TEK: variants seen among roughly 807,000 people sequenced by gnomAD.
The protein encoded by TEK is angiopoietin-1 receptor.
A neutral mutation model predicts 131.8 loss-of-function variants in TEK; 43 were observed. That is an observed-to-expected ratio of 0.33 (90% CI 0.26 to 0.42). The LOEUF (loss-of-function observed/expected upper bound fraction) is 0.42. Ranked by LOEUF, TEK falls within the 10% of genes least tolerant of loss-of-function variation. TEK has a pLI of 1.00. For synonymous variants in TEK, 580 were observed against 491.6 expected, an observed-to-expected ratio of 1.18 and a Z score of -2.38; for missense variants, 1,162 against 1,384.4, an observed-to-expected ratio of 0.84 and a Z score of 2.55.
At chr9:27,109,694 G>A in intron 1 of TEK, 52 bp downstream of exon 1, 1 of 1,589,544 alleles carries the variant, frequency 6.3e-7, no homozygotes, top group Non-Finnish European at 8.6e-7. Context: ...AACAGAGTTA[G>A]TGATTTCTGG....
intron 19 of TEK, among the ~76,000 whole-genome samples, chr9:27,218,363 G>A (rs1356122493): frequency 6.6e-6 from 1 of 151,992 alleles, no homozygotes; most frequent in Non-Finnish European, 1.5e-5. Context: ...ATGTTTCTCT[G>A]CATAATTTTG....
chr9:27,228,157 G>C (rs776364474), intron 21 of TEK, 49 bp from the exon 22 acceptor site: 2 of 1,495,172 alleles, frequency 1.3e-6, no homozygotes, highest in Non-Finnish European at 1.9e-6. Flanking sequence ...CCGTGCCTAG[G>C]ACTGAAGCAC....
intron 18 of TEK, among the ~76,000 whole-genome samples, chr9:27,215,048 C>G (rs1825767842): frequency 6.6e-6 from 1 of 152,198 alleles, no homozygotes; most frequent in Non-Finnish European, 1.5e-5. Context: ...TTTACTCCAG[C>G]ACTTGGGGGA....
intron 1 of TEK, among the ~76,000 whole-genome samples, chr9:27,113,647 C>T (rs1821435796): frequency 6.6e-6 from 1 of 152,078 alleles, no homozygotes; most frequent in South Asian, 2.1e-4. Flanking sequence ...AGAAGTGTTG[C>T]TATGAGAACC....
intron 5 of TEK, among the ~76,000 whole-genome samples, chr9:27,172,984 C>T (rs1348008157): frequency 1.3e-5 from 2 of 152,028 alleles, no homozygotes; most frequent in Non-Finnish European, 2.9e-5. Context: ...ATGCTGCCCC[C>T]TAGGTTTGTG....
chr9:27,114,369 G>A (rs1390856488), intron 1 of TEK, among the ~76,000 whole-genome samples: 1 of 152,064 alleles, frequency 6.6e-6, no homozygotes, highest in Non-Finnish European at 1.5e-5. Context: ...TCAGGAGTCC[G>A]AGACCAGCCT....
At chr9:27,218,746 A>ATTGT in intron 19 of TEK, 31 bp from the exon 20 acceptor site, 1 of 1,613,508 alleles carries the variant, frequency 6.2e-7, no homozygotes, top group Non-Finnish European at 8.5e-7. Flanking sequence ...CTGTTTGCTG[A>ATTGT]TTGTTGGTTT....
intron 1 of TEK, among the ~76,000 whole-genome samples, chr9:27,125,155 A>G (rs1364740878): frequency 1.3e-5 from 2 of 152,232 alleles, no homozygotes; most frequent in Admixed American, 1.3e-4. Flanking sequence ...CCATCTGCCA[A>G]GAGATGTGGA....
rs1824857487 is a variant in TEK, at chr9:27,192,492, C to A, written c.1493C>A (p.Thr498Lys). The A allele has an allele frequency of 6.2e-7, 1 of 1,613,860 alleles. No individual in the cohort carries two copies. The highest frequency in any genetic ancestry group is 8.5e-7 in the Non-Finnish European group (1 of 1,179,850). Residue 498 changes from threonine to lysine, a missense_variant, in exon 11 of 23, where the codon ACA (threonine) becomes AAA (lysine). Physicochemically the swap from Thr to Lys is moderately conservative, Grantham distance 78. Around this residue, in one of 6 missense-constraint regions of TEK, gnomAD observed 477 missense variants for 471.0 expected, o/e 1.01. Transcript: ENST00000380036. Reference sequence around the variant, plus strand: ...CCTGGACGTTTTCTCTTCTCAGTGACAAATGAGATTGTTACACTCAACTAT... The same window carrying A: ...CCTGGACGTTTTCTCTTCTCAGTGAAAAATGAGATTGTTACACTCAACTAT... ...HYEAWQHIQV[T>K]NEIVTLNYLE...
intron 16 of TEK, among the ~76,000 whole-genome samples, chr9:27,211,046 T>TGGGAGGCGGAGGTTGCA (rs983530744): frequency 3.3e-5 from 5 of 151,758 alleles, no homozygotes; most frequent in Non-Finnish European, 7.4e-5. Flanking sequence ...CGCTTGAACC[T>TGGGAGGCGGAGGTTGCA]GGGAGGCGGA....
At chr9:27,118,814 A>T (rs1223454409) in intron 1 of TEK, among the ~76,000 whole-genome samples, 1 of 152,148 alleles carries the variant, frequency 6.6e-6, no homozygotes, top group Non-Finnish European at 1.5e-5. Flanking sequence ...GCACAACCCA[A>T]CAGGGCCAGT....
intron 21 of TEK, among the ~76,000 whole-genome samples, chr9:27,222,225 G>C (rs1271729269): frequency 6.6e-6 from 1 of 152,090 alleles, no homozygotes; most frequent in Non-Finnish European, 1.5e-5. Flanking sequence ...AGAAATACGA[G>C]ACTACGTGAA....
In TEK at chr9:27,146,769, T is replaced by G. The variant is rs370823386; in HGVS notation, c.53-11062T>G. On this transcript the variant is annotated intron_variant, in intron 1 of 22. Coordinates refer to ENST00000380036, the MANE Select transcript of TEK (RefSeq NM_000459.5). ...GGGGGGGACGGAGTCTTGCTCTGTC[T>G]CCCAGGCTGGAGTGCAGTGGCGTGA... is the stretch of plus-strand genomic sequence containing the variant. 6.8e-4 allele frequency among the ~76,000 whole-genome samples: 99 copies of G among 146,532 alleles called. No homozygotes were observed. The East Asian group carries it at 0.018, about 26-fold the overall frequency.
chr9:27,154,279 C>A (rs1403416513), intron 1 of TEK, among the ~76,000 whole-genome samples: 1 of 152,204 alleles, frequency 6.6e-6, no homozygotes, highest in Non-Finnish European at 1.5e-5. Flanking sequence ...AACCTGTCAT[C>A]TACATTAGGT....
intron 1 of TEK, among the ~76,000 whole-genome samples, chr9:27,132,951 T>C (rs1024382283): frequency 2.6e-5 from 4 of 152,196 alleles, no homozygotes; most frequent in Non-Finnish European, 5.9e-5. Context: ...CCTTTAAACA[T>C]AAACACAATT....
intron 17 of TEK, among the ~76,000 whole-genome samples, chr9:27,213,141 C>A (rs1455969678): frequency 6.6e-6 from 1 of 152,066 alleles, no homozygotes. Context: ...TTCATATATG[C>A]AAATTTTATA....
chr9:27,119,758 G>A (rs951710940), intron 1 of TEK, among the ~76,000 whole-genome samples: 3 of 152,132 alleles, frequency 2.0e-5, no homozygotes, highest in Non-Finnish European at 4.4e-5. Context: ...TCATTTGAAG[G>A]TTCCCACCTC....
At position 27,212,783 on chromosome 9, in the gene TEK, G is replaced by A; in HGVS notation, c.2763G>A (p.Glu921=). The A allele has an allele frequency of 1.9e-6, 3 of 1,614,126 alleles. No homozygotes were observed. The highest frequency in any genetic ancestry group is 2.5e-6 in the Non-Finnish European group (3 of 1,180,016). Residue 921 remains glutamate, a synonymous_variant, in exon 17 of 23, where the codon GAG becomes GAA. Coordinates refer to ENST00000380036, the MANE Select transcript of TEK (RefSeq NM_000459.5). The part of the protein sequence containing the change: ...LDFLRKSRVL[E]TDPAFAIANS... ...TCCTTCGCAAGAGCCGTGTGCTGGA[G>A]ACGGACCCAGCATTTGCCATTGCCA... is the stretch of plus-strand genomic sequence containing the variant.
At chr9:27,193,143 C>T (rs111545150) in intron 11 of TEK, among the ~76,000 whole-genome samples, 13 of 152,298 alleles carry the variant, frequency 8.5e-5, no homozygotes, top group African/African-American at 1.9e-4. Flanking sequence ...TAAAGAACAG[C>T]ATTCTCCTGC....
Sources: gnomAD v4.1 joint callset for allele counts (sites outside exome capture counted in the v4.1 genomes callset) on GRCh38, gnomAD v4.1.1 for gene constraint, gnomAD v4.1.1 regional missense constraint, MANE v1.5 for transcripts, NCBI Gene and HGNC (gene_info 2026-07-23, HGNC 2026-07-21) for gene names.